The following MIGA1 variants were observed in gnomAD, a reference collection of about 807,000 sequenced individuals.
MIGA1 encodes family with sequence similarity 73, member A.
Under a neutral mutation model 82.0 loss-of-function variants are expected in MIGA1, and 58 were observed. That is an observed-to-expected ratio of 0.71 (90% confidence interval 0.57 to 0.88). MIGA1 has a LOEUF of 0.88. Among genes scored for constraint, MIGA1 ranks in the 40% least tolerant of loss-of-function variants. MIGA1 has a pLI of 0.00. For missense variants in MIGA1, 751 were observed against 749.1 expected (o/e 1.00, Z -0.03); for synonymous variants, 249 against 253.6 (o/e 0.98, Z 0.17).
intron 8 of MIGA1, among the ~76,000 whole-genome samples, chr1:77,858,376 T>C (rs1472662445): frequency 2.0e-5 from 3 of 152,118 alleles, no homozygotes; most frequent in Admixed American, 6.6e-5. Flanking sequence ...ATTGGTTTTC[T>C]GTATGTTCTG....
chr1:77,857,113 A>G (rs190256613), intron 8 of MIGA1, among the ~76,000 whole-genome samples: 2 of 152,162 alleles, frequency 1.3e-5, no homozygotes, highest in East Asian at 1.9e-4. Flanking sequence ...TTAAATTTCC[A>G]TCGTGCTTTT....
At position 77,866,747 on chromosome 1, in the gene MIGA1, G is replaced by A. The variant is rs181541628; in HGVS notation, c.1563+356G>A. On this transcript the variant is annotated intron_variant, in intron 14 of 15. Coordinates refer to ENST00000370791, the MANE Select transcript of MIGA1 (RefSeq NM_198549.4). ...TGTCCAGGCTGGAGTGTGGTGGCGCGATCCTGGCTCACTGCAATCTTTGCT... is the reference window on the plus strand; with the variant it reads ...TGTCCAGGCTGGAGTGTGGTGGCGCAATCCTGGCTCACTGCAATCTTTGCT... Among the ~76,000 whole-genome samples, 412 of 148,900 alleles carry A rather than the reference G, an allele frequency of 2.8e-3. 1 individual carries two copies. The highest frequency in any genetic ancestry group is 4.4e-3 in the Non-Finnish European group (299 of 67,566).
chr1:77,865,367 G>A (rs1241079141), intron 13 of MIGA1, among the ~76,000 whole-genome samples: 2 of 152,082 alleles, frequency 1.3e-5, no homozygotes, highest in African/African-American at 2.4e-5. Flanking sequence ...GAAGCAGGCC[G>A]ATTACTTGAG....
intron 8 of MIGA1, among the ~76,000 whole-genome samples, chr1:77,844,962 A>G (rs1684781754): frequency 6.6e-6 from 1 of 152,210 alleles, no homozygotes; most frequent in African/African-American, 2.4e-5. Context: ...AGCCTGGTCA[A>G]CAGAGTGAGA....
At position 77,812,451 on chromosome 1, in the gene MIGA1, A is replaced by AAATAAATAAATAAATG. The variant is rs564590992; in HGVS notation, c.638-1277_638-1262dup. ...AGAGTGAGACTCTGTCTCAATAAAT[A>AAATAAATAAATAAATG]AATAAATAAATAAATGAATAACAAA... On this transcript the variant is annotated intron_variant, in intron 5 of 15. Coordinates refer to ENST00000370791, the MANE Select transcript of MIGA1 (RefSeq NM_198549.4). Among the ~76,000 whole-genome samples, 94 of 152,252 alleles carry AAATAAATAAATAAATG rather than the reference A, an allele frequency of 6.2e-4. No homozygotes were observed. The East Asian group carries it at 0.018, about 29-fold the overall frequency.
chr1:77,788,067 A>C (rs922476078), intron 2 of MIGA1, among the ~76,000 whole-genome samples: 4 of 146,462 alleles, frequency 2.7e-5, no homozygotes, highest in African/African-American at 7.6e-5. Context: ...GCTCACTGCA[A>C]CCTCCGCTCA....
At chr1:77,848,329 A>C in intron 8 of MIGA1, 1 of 1,278,018 alleles carries the variant, frequency 7.8e-7, no homozygotes, top group South Asian at 1.3e-5. Context: ...CAACAAAATG[A>C]TCAGAACCGA....
At chr1:77,810,845 G>C in intron 5 of MIGA1, 1 of 1,608,276 alleles carries the variant, frequency 6.2e-7, no homozygotes, top group Non-Finnish European at 8.5e-7. Context: ...GAAGTTCCAG[G>C]TTCATCATGT....
intron 5 of MIGA1, among the ~76,000 whole-genome samples, chr1:77,809,426 A>T (rs1683229905): frequency 6.6e-6 from 1 of 151,868 alleles, no homozygotes; most frequent in Non-Finnish European, 1.5e-5. Context: ...GTGTTATACA[A>T]CTCTGCTGTA....
chr1:77,784,674 G>A (rs948115851), intron 2 of MIGA1, among the ~76,000 whole-genome samples: 1 of 152,154 alleles, frequency 6.6e-6, no homozygotes, highest in Admixed American at 6.5e-5. Context: ...TTCATTGATA[G>A]TAGCCATCCT....
intron 7 of MIGA1, among the ~76,000 whole-genome samples, chr1:77,820,553 A>G (rs142001679): frequency 6.6e-6 from 1 of 152,140 alleles, no homozygotes; most frequent in Non-Finnish European, 1.5e-5. Context: ...GGAATTTGGA[A>G]CTTCTCTAGG....
Position 77,843,425 on chromosome 1 carries a change from C to T in MIGA1, c.996+18C>T, listed in dbSNP as rs1185735924. ...CAGCAGAGGTAGGACATATGTGTTC[C>T]TAATGAGGATTTCTGTTTCTTTTTT... is the stretch of plus-strand genomic sequence containing the variant. On this transcript the variant is annotated intron_variant, in intron 8 of 15. Transcript: ENST00000370791. 1.3e-6 allele frequency: 2 copies of T among 1,581,350 alleles called. No individual in the cohort carries two copies. The highest frequency in any genetic ancestry group is 1.7e-6 in the Non-Finnish European group (2 of 1,150,842).
At chr1:77,801,922 A>G (rs904213889) in intron 3 of MIGA1, among the ~76,000 whole-genome samples, 1 of 152,172 alleles carries the variant, frequency 6.6e-6, no homozygotes, top group African/African-American at 2.4e-5. Flanking sequence ...ATCATTTTTA[A>G]TATATAACTA....
chr1:77,826,340 A>G (rs1684027044), intron 7 of MIGA1, among the ~76,000 whole-genome samples: 1 of 152,174 alleles, frequency 6.6e-6, no homozygotes, highest in Non-Finnish European at 1.5e-5. Context: ...AATTATCTGA[A>G]GGGTTTGAAA....
intron 1 of MIGA1, among the ~76,000 whole-genome samples, chr1:77,780,946 G>C (rs1218606063): frequency 7.0e-6 from 1 of 142,308 alleles, no homozygotes; most frequent in Non-Finnish European, 1.5e-5. Context: ...TGGCTCTGTC[G>C]CCCAGGCTGG....
chr1:77,834,810 A>C (rs1267457495), intron 7 of MIGA1, among the ~76,000 whole-genome samples: 1 of 152,250 alleles, frequency 6.6e-6, no homozygotes, highest in Non-Finnish European at 1.5e-5. Context: ...TCGACAGCAG[A>C]AGCTTTTCCA....
intron 7 of MIGA1, among the ~76,000 whole-genome samples, chr1:77,822,130 AT>A (rs1236085770): frequency 6.6e-6 from 1 of 150,950 alleles, no homozygotes; most frequent in African/African-American, 2.4e-5. Flanking sequence ...TTGCATACAT[AT>A]AAAAAAAAAT....
At chr1:77,806,855 G>T (rs577172774) in intron 4 of MIGA1, 120 bp from the exon 5 acceptor site, 5 of 679,498 alleles carry the variant, frequency 7.4e-6, no homozygotes, top group Non-Finnish European at 9.6e-6. Flanking sequence ...TCTTCATGTG[G>T]AAATTACATG....
At chr1:77,808,034 G>A (rs1331286962) in intron 5 of MIGA1, among the ~76,000 whole-genome samples, 1 of 151,854 alleles carries the variant, frequency 6.6e-6, no homozygotes, top group Non-Finnish European at 1.5e-5. Context: ...TAGCCAGGCT[G>A]GTCTTGAACT....
Sources: allele counts gnomAD v4.1 joint callset (sites outside exome capture counted in the v4.1 genomes callset), GRCh38; gene constraint gnomAD v4.1.1; transcripts MANE v1.5; gene names NCBI Gene and HGNC (gene_info 2026-07-23, HGNC 2026-07-21).